The following PTPRT variants were observed in gnomAD, a reference collection of about 807,000 sequenced individuals.
The protein encoded by PTPRT is protein tyrosine phosphatase receptor type T, also known as receptor-type tyrosine-protein phosphatase T.
In PTPRT, 56 loss-of-function variants were observed where a neutral mutation model predicts 176.8. The observed-to-expected ratio is 0.32, with a 90% confidence interval of 0.26 to 0.40. The LOEUF is 0.40. Among genes scored for constraint, PTPRT ranks in the 10% least tolerant of loss-of-function variants. The pLI is 1.00. For synonymous variants in PTPRT, 783 were observed against 739.0 expected (o/e 1.06, Z -0.96); for missense variants, 1,540 against 1,908.2 (o/e 0.81, Z 3.60).
At chr20:42,329,184 A>G (rs1359722485) in intron 11 of PTPRT, among the ~76,000 whole-genome samples, 1 of 152,206 alleles carries the variant, frequency 6.6e-6, no homozygotes, top group Non-Finnish European at 1.5e-5. Context: ...GCCCTCTTTC[A>G]GTGTGGAAAA....
intron 15 of PTPRT, among the ~76,000 whole-genome samples, chr20:42,218,009 G>A (rs927631179): frequency 6.6e-6 from 1 of 152,232 alleles, no homozygotes; most frequent in Non-Finnish European, 1.5e-5. Flanking sequence ...GGGAACAGGT[G>A]GGATTTGAGC....
intron 27 of PTPRT, among the ~76,000 whole-genome samples, chr20:42,096,651 G>A (rs1985267066): frequency 6.6e-6 from 1 of 152,240 alleles, no homozygotes; most frequent in East Asian, 1.9e-4. Flanking sequence ...TGCAGTGGTG[G>A]GATCATAGCT....
intron 9 of PTPRT, among the ~76,000 whole-genome samples, chr20:42,358,535 G>A (rs1263037085): frequency 2.0e-5 from 3 of 152,174 alleles, no homozygotes; most frequent in Admixed American, 6.5e-5. Context: ...TTGAGTCTCT[G>A]GGGCCAGATG....
At chr20:42,462,327 G>A (rs2071034563) in intron 8 of PTPRT, among the ~76,000 whole-genome samples, 1 of 152,166 alleles carries the variant, frequency 6.6e-6, no homozygotes, top group African/African-American at 2.4e-5. Flanking sequence ...CAGCTCCAGT[G>A]GTGCTTCTGG....
intron 12 of PTPRT, among the ~76,000 whole-genome samples, chr20:42,311,511 G>A (rs1180731249): frequency 6.6e-6 from 1 of 152,122 alleles, no homozygotes; most frequent in Non-Finnish European, 1.5e-5. Context: ...ATTCCACCTG[G>A]CTCACAACCA....
chr20:42,377,727 A>G (rs1573705), intron 9 of PTPRT, among the ~76,000 whole-genome samples: 44,654 of 152,102 alleles, frequency 0.29, 6,914 homozygotes, highest in East Asian at 0.59. Context: ...TGTGGAGGAG[A>G]CATTTCCTAG....
At chr20:42,500,555 C>G (rs1601137818) in intron 7 of PTPRT, among the ~76,000 whole-genome samples, 1 of 152,066 alleles carries the variant, frequency 6.6e-6, no homozygotes, top group African/African-American at 2.4e-5. Flanking sequence ...TGCTTCCTTT[C>G]CAGTAATTAT....
intron 15 of PTPRT, among the ~76,000 whole-genome samples, chr20:42,209,231 A>G (rs2055555188): frequency 6.6e-6 from 1 of 152,232 alleles, no homozygotes; most frequent in African/African-American, 2.4e-5. Context: ...ATCACAATTA[A>G]AAGAACTAGA....
At chr20:42,047,049 T>C in the PTPRT span, among the ~76,000 whole-genome samples, 1 of 152,208 alleles carries the variant, frequency 6.6e-6, no homozygotes, top group African/African-American at 2.4e-5. Context: ...AATTCTTGCA[T>C]AGGCCCTGAC....
Position 42,767,095 on chromosome 20 carries a change from G to C in PTPRT, c.684+4340C>G, listed in dbSNP as rs142179210. 1.0e-3 allele frequency among the ~76,000 whole-genome samples: 158 copies of C among 152,282 alleles called. 1 individual carries two copies. In the East Asian group the frequency reaches 0.015, roughly 15 times the overall value. On this transcript the variant is annotated intron_variant, in intron 5 of 30. Coordinates refer to ENST00000373187, the MANE Select transcript of PTPRT (RefSeq NM_007050.6). ...CCACTGCCTTGGCCTGTCTTGGATG[G>C]TGGCTGCGATCCTCTCTGGGGTGGC...
chr20:42,769,956 G>C (rs199928513), intron 5 of PTPRT, among the ~76,000 whole-genome samples: 1 of 152,182 alleles, frequency 6.6e-6, no homozygotes, highest in East Asian at 1.9e-4. Flanking sequence ...TGTGACAAAC[G>C]GGAGTGGGGA....
intron 1 of PTPRT, among the ~76,000 whole-genome samples, chr20:43,092,541 G>C (rs1037597291): frequency 7.9e-5 from 12 of 152,160 alleles, no homozygotes; most frequent in Admixed American, 1.3e-4. Context: ...AATGTTTTTG[G>C]CTCTCAGCTT....
chr20:42,175,218 A>G (rs1368886718), intron 16 of PTPRT, among the ~76,000 whole-genome samples: 1 of 152,164 alleles, frequency 6.6e-6, no homozygotes, highest in Non-Finnish European at 1.5e-5. Flanking sequence ...TCCAGATTTA[A>G]GATATTTAAT....
chr20:42,151,064 G>A (rs1337488609), intron 17 of PTPRT, among the ~76,000 whole-genome samples: 5 of 151,598 alleles, frequency 3.3e-5, no homozygotes. Context: ...ATATAATATT[G>A]AGCCTTTTTG....
chr20:43,013,293 G>A (rs1382416875), intron 1 of PTPRT, among the ~76,000 whole-genome samples: 2 of 152,096 alleles, frequency 1.3e-5, no homozygotes, highest in African/African-American at 4.8e-5. Context: ...GTGGGGTATG[G>A]AATTGTCCCT....
At chr20:42,349,715 G>C (rs959705775) in intron 11 of PTPRT, among the ~76,000 whole-genome samples, 2 of 152,208 alleles carry the variant, frequency 1.3e-5, no homozygotes, top group African/African-American at 4.8e-5. Flanking sequence ...CAATTTGAAA[G>C]TTGTTCCACT....
intron 24 of PTPRT, among the ~76,000 whole-genome samples, chr20:42,105,365 G>A (rs999326694): frequency 6.6e-6 from 1 of 152,026 alleles, no homozygotes; most frequent in African/African-American, 2.4e-5. Context: ...TTTGTCTCAC[G>A]ATCTGCTCCC....
rs180949184 is a variant in PTPRT at position 42,664,062 on chromosome 20, T to G, written c.1153+13804A>C. 9.2e-5 allele frequency among the ~76,000 whole-genome samples: 14 copies of G among 152,366 alleles called. No individual in the cohort carries two copies. The East Asian group carries it at 2.7e-3, about 29-fold the overall frequency. On this transcript the variant is annotated intron_variant, in intron 7 of 30. Coordinates refer to ENST00000373187, the MANE Select transcript of PTPRT (RefSeq NM_007050.6). ...CTGTAAGAACCTGCTTTGTTATTCCTTACCAATACTGCTTATTAACAATTT... is the reference window on the plus strand; with the variant it reads ...CTGTAAGAACCTGCTTTGTTATTCCGTACCAATACTGCTTATTAACAATTT...
intron 1 of PTPRT, among the ~76,000 whole-genome samples, chr20:43,131,940 T>C (rs1203762788): frequency 6.6e-6 from 1 of 152,128 alleles, no homozygotes; most frequent in Non-Finnish European, 1.5e-5. Context: ...TCCTCATCTA[T>C]GCCTGAGCTA....
Sources: allele counts gnomAD v4.1 joint callset (sites outside exome capture counted in the v4.1 genomes callset), GRCh38; gene constraint gnomAD v4.1.1; transcripts MANE v1.5; gene names NCBI Gene and HGNC (gene_info 2026-07-23, HGNC 2026-07-21).